Variants in DYNC1I2 observed in about 807,000 individuals in gnomAD.
DYNC1I2 encodes the protein dynein cytoplasmic 1 intermediate chain 2, also known as cytoplasmic dynein 1 intermediate chain 2.
Under a neutral mutation model 88.6 loss-of-function variants are expected in DYNC1I2, and 53 were observed. The observed-to-expected ratio is 0.60, with a 90% CI of 0.48 to 0.75. The LOEUF is 0.75. DYNC1I2 is among the 30% of genes least tolerant of loss of function. DYNC1I2 has a pLI of 0.00. For synonymous variants in DYNC1I2, 198 were observed against 254.6 expected, an observed-to-expected ratio of 0.78 and a Z score of 2.12; for missense variants, 458 against 766.6, an observed-to-expected ratio of 0.60 and a Z score of 4.75.
Position 171,745,915 on chromosome 2 carries a change from C to T in DYNC1I2, c.1791C>T (p.Tyr597=). 5 of 1,613,572 alleles carry T rather than the reference C, an allele frequency of 3.1e-6. No homozygotes were observed. Among genetic ancestry groups the T allele is most frequent in the Non-Finnish European group, 3.4e-6 (4 of 1,179,670 alleles). Residue 597 remains tyrosine (Y), a synonymous_variant, in exon 17 of 18, where the codon TAC becomes TAT. Transcript: ENST00000397119. The part of the protein sequence containing the change: ...VGDSEGQIVI[Y]DVGEQIAVPR... ...ATTCTGAAGGACAGATTGTTATATA[C>T]GATGTGGGAGAGGTATGGGACTCCC...
chr2:171,747,541 C>T (rs1000936723), intron 17 of DYNC1I2, among the ~76,000 whole-genome samples: 3 of 152,102 alleles, frequency 2.0e-5, no homozygotes, highest in Non-Finnish European at 4.4e-5. Context: ...TTCTCTCTTG[C>T]ATTGGTGGTG....
intron 3 of DYNC1I2, among the ~76,000 whole-genome samples, chr2:171,705,268 G>T (rs765691789): frequency 4.9e-4 from 74 of 152,048 alleles, no homozygotes; most frequent in Non-Finnish European, 9.3e-4. Flanking sequence ...TAAAAATGTA[G>T]TCTTTAACCA....
intron 3 of DYNC1I2, among the ~76,000 whole-genome samples, chr2:171,702,978 A>G (rs1038966647): frequency 6.6e-6 from 1 of 152,064 alleles, no homozygotes; most frequent in African/African-American, 2.4e-5. Flanking sequence ...TCCTGCCTTG[A>G]CCTTCCAAGA....
Position 171,692,804 on chromosome 2 carries a change from C to G in DYNC1I2, c.136C>G (p.Pro46Ala). 4 of 1,607,596 alleles carry G rather than the reference C, an allele frequency of 2.5e-6. No individual in the cohort carries two copies. The highest frequency in any genetic ancestry group is 3.4e-6 in the Non-Finnish European group (4 of 1,177,224). The change falls in exon 3 of 18, where the codon CCT (proline) becomes GCT (alanine). Residue 46 changes from proline (P) to alanine (A), a missense_variant. Coordinates refer to ENST00000397119, the MANE Select transcript of DYNC1I2 (RefSeq NM_001378.3). ...ETDQKKEAVA[P>A]VQEESDLEKK... ...AGACCAGAAGAAGGAAGCTGTTGCT[C>G]CTGTGCAAGAAGAATCAGATCTTGA... is the stretch of plus-strand genomic sequence containing the variant.
In DYNC1I2 at chr2:171,721,357, G is replaced by A. The variant is rs142620602; in HGVS notation, c.512-4261G>A. On this transcript the variant is annotated intron_variant, in intron 7 of 17. Coordinates refer to ENST00000397119, the MANE Select transcript of DYNC1I2 (RefSeq NM_001378.3). ...GATGGTGTAAAAAAAGAAAGGGAAT[G>A]GATTCCATTGATAGATTCATGAAAC... Among the ~76,000 whole-genome samples the A allele has an allele frequency of 1.7e-4, 26 of 152,146 alleles. No homozygotes were observed. The East Asian group carries it at 4.8e-3, about 28-fold the overall frequency.
chr2:171,720,146 A>C (rs935665774), intron 7 of DYNC1I2, among the ~76,000 whole-genome samples: 1 of 151,964 alleles, frequency 6.6e-6, no homozygotes, highest in Non-Finnish European at 1.5e-5. Context: ...CAAGGAGATT[A>C]CTTGGTGAGT....
chr2:171,745,961 C>A (rs567960529), intron 17 of DYNC1I2, 34 bp downstream of exon 17: 2 of 1,610,806 alleles, frequency 1.2e-6, no homozygotes, highest in South Asian at 1.1e-5. Context: ...TTTGACACAT[C>A]GATTTAGTTG....
At chr2:171,709,830 G>T (rs886768699) in intron 5 of DYNC1I2, among the ~76,000 whole-genome samples, 3 of 152,040 alleles carry the variant, frequency 2.0e-5, no homozygotes, top group Non-Finnish European at 4.4e-5. Context: ...CGATTCTCCT[G>T]CCTCAGCCTC....
intron 3 of DYNC1I2, 94 bp from the exon 4 acceptor site, chr2:171,706,453 C>A (rs1574536478): frequency 2.9e-6 from 3 of 1,017,224 alleles, no homozygotes; most frequent in East Asian, 2.6e-5. Context: ...AAAGCACTTG[C>A]TGTTTATTTT....
chr2:171,705,712 G>A (rs1686630793), intron 3 of DYNC1I2, among the ~76,000 whole-genome samples: 1 of 151,994 alleles, frequency 6.6e-6, no homozygotes, highest in Admixed American at 6.6e-5. Context: ...TTCTACTTTA[G>A]ATGAAAATCA....
chr2:171,714,645 T>G (rs1393965737), intron 6 of DYNC1I2, among the ~76,000 whole-genome samples: 1 of 152,224 alleles, frequency 6.6e-6, no homozygotes, highest in Non-Finnish European at 1.5e-5. Context: ...ATACCCTGTA[T>G]TTCTAAACAG....
chr2:171,695,861 A>T (rs1242384747), intron 3 of DYNC1I2, among the ~76,000 whole-genome samples: 1 of 152,214 alleles, frequency 6.6e-6, no homozygotes, highest in South Asian at 2.1e-4. Flanking sequence ...TCACATGATG[A>T]CTGGATATTA....
At chr2:171,714,948 G>A (rs1026436823) in intron 6 of DYNC1I2, among the ~76,000 whole-genome samples, 2 of 152,062 alleles carry the variant, frequency 1.3e-5, no homozygotes, top group African/African-American at 2.4e-5. Context: ...GTGATATCTA[G>A]TCTGATTCTT....
At chr2:171,695,064 G>C (rs890034400) in intron 3 of DYNC1I2, among the ~76,000 whole-genome samples, 2 of 151,852 alleles carry the variant, frequency 1.3e-5, no homozygotes, top group African/African-American at 4.8e-5. Flanking sequence ...TGCATTAAGT[G>C]ACCACTTTTG....
intron 17 of DYNC1I2, among the ~76,000 whole-genome samples, chr2:171,747,019 C>G (rs1021223529): frequency 1.3e-5 from 2 of 151,578 alleles, no homozygotes; most frequent in South Asian, 4.2e-4. Context: ...CATGGCAAAA[C>G]CCCATCTCTA....
At chr2:171,712,149 T>G (rs1265118744) in intron 5 of DYNC1I2, among the ~76,000 whole-genome samples, 1 of 152,236 alleles carries the variant, frequency 6.6e-6, no homozygotes, top group Non-Finnish European at 1.5e-5. Flanking sequence ...TTGTTTTCTT[T>G]AAGCAGATGA....
chr2:171,716,561 G>T (rs747285732), intron 7 of DYNC1I2, among the ~76,000 whole-genome samples: 3 of 152,084 alleles, frequency 2.0e-5, no homozygotes, highest in Non-Finnish European at 4.4e-5. Flanking sequence ...TGAAATCCCT[G>T]TCTACTACCA....
chr2:171,738,463 C>T (rs539582464), intron 15 of DYNC1I2, among the ~76,000 whole-genome samples: 10 of 152,212 alleles, frequency 6.6e-5, no homozygotes, highest in Non-Finnish European at 1.5e-4. Context: ...GTATACTATT[C>T]CATTATGTAA....
chr2:171,707,516 C>G, intron 5 of DYNC1I2, 139 bp downstream of exon 5: 1 of 622,430 alleles, frequency 1.6e-6, no homozygotes. Context: ...TAGAAATTCT[C>G]TGTTGGACAC....
Sources: allele counts gnomAD v4.1 joint callset (sites outside exome capture counted in the v4.1 genomes callset), GRCh38; gene constraint gnomAD v4.1.1; transcripts MANE v1.5; gene names NCBI Gene and HGNC (gene_info 2026-07-23, HGNC 2026-07-21).